The following KIF2A variants were observed in gnomAD, a reference collection of about 807,000 sequenced individuals.
KIF2A encodes kinesin-like protein KIF2A.
In KIF2A, 22 loss-of-function variants were observed where a neutral mutation model predicts 100.2. That is an observed-to-expected ratio of 0.22 (90% CI 0.16 to 0.31). The LOEUF is 0.31. Among genes scored for constraint, KIF2A ranks in the 10% least tolerant of loss-of-function variants. The probability of loss-of-function intolerance (pLI) is 1.00; values close to 1 mark genes in which losing one functional copy is unlikely to be tolerated. For synonymous variants in KIF2A, 268 were observed against 285.9 expected, an observed-to-expected ratio of 0.94 and a Z score of 0.63; for missense variants, 495 against 898.7, an observed-to-expected ratio of 0.55 and a Z score of 5.74.
chr5:62,383,581 T>C (rs1433993693), intron 20 of KIF2A, among the ~76,000 whole-genome samples: 1 of 152,168 alleles, frequency 6.6e-6, no homozygotes, highest in African/African-American at 2.4e-5. Context: ...TCAACACATA[T>C]ATGTTGCTGA....
chr5:62,348,025 CTA>C (rs1491322276), intron 2 of KIF2A, 21 bp from the exon 3 acceptor site: 2 of 1,606,176 alleles, frequency 1.2e-6, no homozygotes, highest in East Asian at 2.2e-5. Context: ...TCTCAAAAGA[CTA>C]TGTGTATGTG....
chr5:62,348,792 T>G (rs1207711842), intron 3 of KIF2A, among the ~76,000 whole-genome samples: 3 of 152,216 alleles, frequency 2.0e-5, no homozygotes, highest in Non-Finnish European at 4.4e-5. Flanking sequence ...TATTGCAAAG[T>G]TGTTGAATCT....
chr5:62,344,941 C>G (rs1210935713), intron 1 of KIF2A, among the ~76,000 whole-genome samples: 1 of 152,114 alleles, frequency 6.6e-6, no homozygotes. Flanking sequence ...TTTATATGAG[C>G]TCATATAAAA....
At position 62,346,526 on chromosome 5, in the gene KIF2A, G is replaced by T. The variant is rs537496026; in HGVS notation, c.65-604G>T. ...AGCCCGAGGTGGGTGGATCACTCGAGGCCAGGATTTCGATACCAGCCTGCG... is the reference window on the plus strand; with the variant it reads ...AGCCCGAGGTGGGTGGATCACTCGATGCCAGGATTTCGATACCAGCCTGCG... On this transcript the variant is annotated intron_variant, in intron 1 of 20. Transcript: ENST00000407818. Among the ~76,000 whole-genome samples the T allele has an allele frequency of 1.6e-4, 25 of 152,242 alleles. No homozygotes were observed. In the South Asian group the frequency reaches 4.6e-3, roughly 28 times the overall value.
chr5:62,356,027 C>T (rs145038131), intron 7 of KIF2A, among the ~76,000 whole-genome samples: 1 of 152,064 alleles, frequency 6.6e-6, no homozygotes, highest in Non-Finnish European at 1.5e-5. Flanking sequence ...GTGATCCACC[C>T]GCCTCGGTCT....
At chr5:62,309,452 G>A (rs997162675) in intron 1 of KIF2A, among the ~76,000 whole-genome samples, 5 of 152,226 alleles carry the variant, frequency 3.3e-5, no homozygotes, top group Non-Finnish European at 7.3e-5. Context: ...GCATTGGACA[G>A]TAGTGTTTCA....
chr5:62,350,008 A>T (rs746563832), intron 3 of KIF2A, 58 bp from the exon 4 acceptor site: 28 of 1,108,680 alleles, frequency 2.5e-5, no homozygotes, highest in Non-Finnish European at 2.7e-5. Flanking sequence ...AGCTCAGATC[A>T]TGATACATAT....
intron 19 of KIF2A, among the ~76,000 whole-genome samples, chr5:62,379,646 G>T (rs1741693287): frequency 6.9e-6 from 1 of 144,538 alleles, no homozygotes; most frequent in African/African-American, 2.6e-5. Context: ...TGAGCAACAA[G>T]AGTGAAACTC....
intron 1 of KIF2A, among the ~76,000 whole-genome samples, chr5:62,328,666 T>C (rs1746496561): frequency 6.6e-6 from 1 of 151,872 alleles, no homozygotes; most frequent in Non-Finnish European, 1.5e-5. Flanking sequence ...TAATTTTGTG[T>C]TTTTAGTAGA....
At chr5:62,330,960 G>A (rs2111844052) in intron 1 of KIF2A, among the ~76,000 whole-genome samples, 1 of 152,064 alleles carries the variant, frequency 6.6e-6, no homozygotes, top group Non-Finnish European at 1.5e-5. Flanking sequence ...GCATTGATTT[G>A]TTATATTTTT....
intron 15 of KIF2A, 118 bp downstream of exon 15, chr5:62,365,471 T>C (rs576359676): frequency 2.3e-5 from 13 of 560,408 alleles, no homozygotes; most frequent in African/African-American, 3.8e-5. Context: ...TTTTGAGTGA[T>C]ATGGTGATAT....
At chr5:62,349,061 T>C (rs1381185065) in intron 3 of KIF2A, among the ~76,000 whole-genome samples, 1 of 152,142 alleles carries the variant, frequency 6.6e-6, no homozygotes, top group Admixed American at 6.5e-5. Flanking sequence ...TTTAATCATA[T>C]TGAGAGTCAC....
intron 20 of KIF2A, 100 bp from the exon 21 acceptor site, chr5:62,385,384 G>A (rs910582325): frequency 1.3e-6 from 1 of 761,650 alleles, no homozygotes; most frequent in Non-Finnish European, 2.2e-6. Context: ...CTGAGTTACT[G>A]TTAGGAAATA....
At chr5:62,361,706 A>AT (rs1748418855) in intron 11 of KIF2A, among the ~76,000 whole-genome samples, 177 bp downstream of exon 11, 4 of 122,888 alleles carry the variant, frequency 3.3e-5, no homozygotes, top group South Asian at 4.7e-4. Context: ...TATTCACAAT[A>AT]ATTTTTTTTT....
rs1162889362 is a variant in KIF2A at position 62,389,498 on chromosome 5, A to AAAAAAAAAG, written c.*3932_*3933insAAAAAGAAA. On this transcript the variant is annotated 3_prime_UTR_variant, in exon 21 of 21. Transcript: ENST00000407818. ...AAGACTCTGTCTCAAAAAAAAAAAAAAAAGAAATGTTATTGTCTGACTAAA... is the reference window on the plus strand; with the variant it reads ...AAGACTCTGTCTCAAAAAAAAAAAAAAAAAAAAAGAAAGAAATGTTATTGTCTGACTAAA... Among the ~76,000 whole-genome samples the AAAAAAAAAG allele has an allele frequency of 6.6e-5, 10 of 151,420 alleles. No individual in the cohort carries two copies. The highest frequency in any genetic ancestry group is 2.4e-4 in the African/African-American group (10 of 41,148).
chr5:62,326,991 A>G (rs1428959115), intron 1 of KIF2A, among the ~76,000 whole-genome samples: 2 of 151,632 alleles, frequency 1.3e-5, no homozygotes, highest in African/African-American at 4.8e-5. Flanking sequence ...CCTCTTGACT[A>G]CTCTCTTTGA....
intron 11 of KIF2A, among the ~76,000 whole-genome samples, chr5:62,362,071 G>A (rs1290536109): frequency 6.6e-6 from 1 of 151,678 alleles, no homozygotes; most frequent in Non-Finnish European, 1.5e-5. Context: ...TTTTGAGGGG[G>A]CAGAAATCTT....
chr5:62,315,587 CAA>C (rs1399029822), intron 1 of KIF2A, among the ~76,000 whole-genome samples: 7 of 152,092 alleles, frequency 4.6e-5, no homozygotes, highest in South Asian at 2.1e-4. Flanking sequence ...TGACTGGAAA[CAA>C]AGCTGTCAGG....
At chr5:62,351,655 A>G (rs1009785902) in intron 4 of KIF2A, among the ~76,000 whole-genome samples, 1 of 151,944 alleles carries the variant, frequency 6.6e-6, no homozygotes, top group Non-Finnish European at 1.5e-5. Flanking sequence ...GTAAATTTAT[A>G]TTTCTTTTAA....
Sources: allele counts gnomAD v4.1 joint callset (sites outside exome capture counted in the v4.1 genomes callset), GRCh38; gene constraint gnomAD v4.1.1; transcripts MANE v1.5; gene names NCBI Gene and HGNC (gene_info 2026-07-23, HGNC 2026-07-21).